The following CDC25B variants were observed in gnomAD, a reference collection of about 807,000 sequenced individuals.
CDC25B encodes the protein M-phase inducer phosphatase 2.
In CDC25B, 33 loss-of-function variants were observed where a neutral mutation model predicts 69.8. That is an observed-to-expected ratio of 0.47 (90% CI 0.36 to 0.63). The LOEUF is 0.63. Among genes scored for constraint, CDC25B ranks in the 30% least tolerant of loss-of-function variants. The pLI is 0.00. For synonymous variants in CDC25B, 341 were observed against 314.6 expected (o/e 1.08, Z -0.89); for missense variants, 727 against 809.1 (o/e 0.90, Z 1.23).
At chr20:3,800,403 T>C in intron 4 of CDC25B, 59 bp from the exon 5 acceptor site, 1 of 1,612,314 alleles carries the variant, frequency 6.2e-7, no homozygotes, top group Non-Finnish European at 8.5e-7. Flanking sequence ...GCATGCTGCA[T>C]GCTCTTGGTC....
chr20:3,789,711 T>A (rs554728444), intron 1 of CDC25B, among the ~76,000 whole-genome samples: 3 of 151,686 alleles, frequency 2.0e-5, no homozygotes, highest in African/African-American at 7.3e-5. Flanking sequence ...AGAACAACAT[T>A]GGGCGCGGTG....
At position 3,800,202 on chromosome 20, in the gene CDC25B, C is replaced by T. The variant is rs1404353110; in HGVS notation, c.381-86C>T. ...GCCTTGGCCCTTGTCTTTGCCCTTA[C>T]TCCCCCCTGGACTGGGGGCCTGGTG... On this transcript the variant is annotated intron_variant, in intron 3 of 15. Coordinates refer to ENST00000245960, the MANE Select transcript of CDC25B (RefSeq NM_021873.4). 1.3e-4 allele frequency: 73 copies of T among 551,258 alleles called. 1 individual carries two copies. In the East Asian group the frequency reaches 5.5e-3, roughly 41 times the overall value. 34.1% of individuals were successfully genotyped at this position (551,258 alleles called of 1,614,324 possible).
intron 11 of CDC25B, chr20:3,802,689 C>T (rs2089329588): frequency 1.6e-6 from 1 of 608,588 alleles, no homozygotes; most frequent in Non-Finnish European, 2.9e-6. Context: ...TGGAGTTCAT[C>T]TCTTCCACTT....
Position 3,796,585 on chromosome 20 carries a change from C to A in CDC25B, c.54C>A (p.Gly18=). The A allele has an allele frequency of 6.9e-7, 1 of 1,453,444 alleles. No homozygotes were observed. The highest frequency in any genetic ancestry group is 2.6e-5 in the Admixed American group (1 of 38,492). The allele number at this position is 1,453,444 out of a possible 1,614,324, so 90.0% of individuals were successfully genotyped here. A position where few individuals can be genotyped will look rare whatever the true frequency, so the allele number is the denominator to read the frequency against. ...CAGGCTCGGCTCTCAGTCCAGCAGGCGTGTGCGGTGGCGCCCAGCGTCCGG... is the reference window on the plus strand; with the variant it reads ...CAGGCTCGGCTCTCAGTCCAGCAGGAGTGTGCGGTGGCGCCCAGCGTCCGG... ...PAPGSALSPA[G]VCGGAQRPGH... The change falls in exon 1 of 16, where the codon GGC becomes GGA. Residue 18 remains glycine, a synonymous_variant. Transcript: ENST00000245960.
chr20:3,797,858 C>T (rs966275983), intron 2 of CDC25B, 109 bp downstream of exon 2: 3 of 1,358,810 alleles, frequency 2.2e-6, no homozygotes, highest in South Asian at 1.3e-5. Flanking sequence ...TCCCCACAAC[C>T]TGGTGGGCCC....
intron 3 of CDC25B, among the ~76,000 whole-genome samples, chr20:3,799,486 G>C (rs974933682): frequency 1.3e-5 from 1 of 79,504 alleles, no homozygotes; most frequent in African/African-American, 8.4e-5. Flanking sequence ...CTCAGAAGCT[G>C]TGTGTGTGTG....
chr20:3,787,029 T>TG (rs1491095253), exon 1 of CDC25B: 26 of 546,186 alleles, frequency 4.8e-5, no homozygotes, highest in African/African-American at 4.4e-4. Context: ...GGTTTTTGTT[T>TG]GTTTTTTTTT....
In CDC25B at chr20:3,796,464, G is replaced by T. The variant is rs1229887341; in HGVS notation, c.-68G>T. 2.9e-5 allele frequency: 37 copies of T among 1,293,474 alleles called. No homozygotes were observed. The highest frequency in any genetic ancestry group is 1.8e-5 in the Non-Finnish European group (18 of 1,023,416). The allele number at this position is 1,293,474 out of a possible 1,614,324, so 80.1% of individuals were successfully genotyped here. A position where few individuals can be genotyped will look rare whatever the true frequency, so the allele number is the denominator to read the frequency against. On this transcript the variant is annotated 5_prime_UTR_variant, in exon 1 of 16. Coordinates refer to ENST00000245960, the MANE Select transcript of CDC25B (RefSeq NM_021873.4). Reference sequence around the variant, plus strand: ...CCCGCTGCCTCCCTCGGCCCAGCCAGCTGTGCCGGCGTTTGTTGGCTGCCC... The same window carrying T: ...CCCGCTGCCTCCCTCGGCCCAGCCATCTGTGCCGGCGTTTGTTGGCTGCCC...
chr20:3,799,645 T>C (rs142527694), intron 3 of CDC25B, among the ~76,000 whole-genome samples: 33 of 152,120 alleles, frequency 2.2e-4, no homozygotes, highest in African/African-American at 8.0e-4. Flanking sequence ...TGGCCTCTTC[T>C]AAGGCAGGAG....
intron 1 of CDC25B, among the ~76,000 whole-genome samples, chr20:3,789,322 T>C (rs548745929): frequency 6.6e-6 from 1 of 152,202 alleles, no homozygotes; most frequent in Non-Finnish European, 1.5e-5. Flanking sequence ...GCAGCCTCAG[T>C]CTCCTCAGTA....
chr20:3,795,046 C>G (rs1346974407), upstream of CDC25B, among the ~76,000 whole-genome samples: 3 of 152,090 alleles, frequency 2.0e-5, no homozygotes, highest in Non-Finnish European at 4.4e-5. Flanking sequence ...GGAAAACGAG[C>G]GGGGCTGGAA....
rs772558258 is a variant in CDC25B at position 3,802,949 on chromosome 20, C to CTTGA, written c.1235_1236insTGAT (p.Lys413AspfsTer23). 1 of 1,614,064 alleles carries CTTGA rather than the reference C, an allele frequency of 6.2e-7. No individual in the cohort carries two copies. The highest frequency in any genetic ancestry group is 8.5e-7 in the Non-Finnish European group (1 of 1,179,938). On this transcript the variant is annotated frameshift_variant, in exon 12 of 16. Transcript: ENST00000245960. LOFTEE classifies it high-confidence loss of function. ...GACAGTAGACGGAAAGCACCAAGAC[C>CTTGA]TCAAGTACATCTCACCAGAAACGGT...
intron 14 of CDC25B, among the ~76,000 whole-genome samples, chr20:3,804,289 T>A (rs1489386128): frequency 6.6e-6 from 1 of 152,218 alleles, no homozygotes; most frequent in East Asian, 1.9e-4. Context: ...CTCCTGCTTC[T>A]CCTTTCCTGG....
chr20:3,799,384 G>A (rs572438377), intron 3 of CDC25B, among the ~76,000 whole-genome samples: 390 of 152,324 alleles, frequency 2.6e-3, no homozygotes, highest in Middle Eastern at 6.8e-3. Flanking sequence ...AGGTTGGCTG[G>A]GCACAGCAGC....
chr20:3,803,474 G>T lies in CDC25B; in HGVS notation c.1427G>T (p.Ser476Ile). The T allele has an allele frequency of 1.2e-6, 2 of 1,613,978 alleles. No individual in the cohort carries two copies. Among genetic ancestry groups the T allele is most frequent in the Non-Finnish European group, 1.7e-6 (2 of 1,179,994 alleles). ...FLLKSPIAPC[S>I]LDKRVILIFH... Reference sequence around the variant, plus strand: ...CTGAAGAGCCCCATCGCGCCCTGTAGCCTGGACAAGAGAGTCATCCTCATT... The same window carrying T: ...CTGAAGAGCCCCATCGCGCCCTGTATCCTGGACAAGAGAGTCATCCTCATT... The change falls in exon 14 of 16, where the codon AGC becomes ATC. Residue 476 changes from serine (S) to isoleucine (I), a missense_variant. Ser to Ile is a moderately radical substitution (Grantham distance 142). Around this residue, in one of 2 missense-constraint regions of CDC25B, gnomAD observed 359 missense variants for 463.4 expected, o/e 0.77. Coordinates refer to ENST00000245960, the MANE Select transcript of CDC25B (RefSeq NM_021873.4). The surrounding 1 kb of genome is among the most constrained non-coding windows in gnomAD (Gnocchi z 4.9).
At chr20:3,787,247 TG>T in intron 1 of CDC25B, 1 of 530,114 alleles carries the variant, frequency 1.9e-6, no homozygotes, top group South Asian at 2.6e-5. Flanking sequence ...ACTGTATATC[TG>T]GCATCTCCTG....
intron 1 of CDC25B, among the ~76,000 whole-genome samples, chr20:3,787,906 A>T (rs1366768328): frequency 6.6e-6 from 1 of 152,182 alleles, no homozygotes; most frequent in East Asian, 1.9e-4. Flanking sequence ...AGGCCGAAGC[A>T]GGCGGGACCA....
chr20:3,796,812 T>C (rs1475075669), intron 1 of CDC25B, 81 bp downstream of exon 1: 2 of 1,477,292 alleles, frequency 1.4e-6, no homozygotes, highest in East Asian at 5.4e-5. Flanking sequence ...CTGGGCATGG[T>C]AGTCGAATCC....
chr20:3,801,198 A>T, intron 7 of CDC25B, 56 bp from the exon 8 acceptor site: 2 of 1,603,704 alleles, frequency 1.2e-6, no homozygotes, highest in African/African-American at 1.3e-5. Context: ...CCTCAGGAGG[A>T]TGGGGGCGGG....
Sources: gnomAD v4.1 joint callset for allele counts (sites outside exome capture counted in the v4.1 genomes callset) on GRCh38, gnomAD v4.1.1 for gene constraint, gnomAD v4.1.1 regional missense constraint, Gnocchi (gnomAD v3.1) non-coding constraint, MANE v1.5 for transcripts, NCBI Gene and HGNC (gene_info 2026-07-23, HGNC 2026-07-21) for gene names.